ODAD2: variants seen among roughly 807,000 people sequenced by gnomAD.
The protein encoded by ODAD2 is outer dynein arm-docking complex subunit 2.
A neutral mutation model predicts 106.8 loss-of-function variants in ODAD2; 89 were observed. The observed-to-expected ratio is 0.83, with a 90% CI of 0.70 to 0.99. The LOEUF is 0.99. Ranked by LOEUF, ODAD2 falls within the 50% of genes least tolerant of loss-of-function variation. The pLI is 0.00. For synonymous variants in ODAD2, 404 were observed against 436.2 expected (o/e 0.93, Z 0.92); for missense variants, 1,168 against 1,238.5 (o/e 0.94, Z 0.85).
At chr10:27,940,521 G>C in intron 13 of ODAD2, 42 bp downstream of exon 13, 1 of 1,604,510 alleles carries the variant, frequency 6.2e-7, no homozygotes, top group Non-Finnish European at 8.5e-7. Context: ...ACTAAAGAAA[G>C]TCAAGTTGAG....
chr10:27,911,388 A>G (rs888641989), intron 16 of ODAD2, among the ~76,000 whole-genome samples: 4 of 152,214 alleles, frequency 2.6e-5, no homozygotes, highest in African/African-American at 4.8e-5. Flanking sequence ...GGGGTTATAA[A>G]TAAAGTTTAG....
At chr10:27,824,983 T>G (rs1040868725) in intron 19 of ODAD2, among the ~76,000 whole-genome samples, 2 of 152,188 alleles carry the variant, frequency 1.3e-5, no homozygotes, top group Non-Finnish European at 2.9e-5. Flanking sequence ...CACTTGGATA[T>G]AAAAATGACA....
intron 19 of ODAD2, among the ~76,000 whole-genome samples, chr10:27,825,345 C>T (rs1475228537): frequency 6.6e-6 from 1 of 152,188 alleles, no homozygotes; most frequent in Non-Finnish European, 1.5e-5. Flanking sequence ...CAAAAATGCT[C>T]AGATTCAGAA....
At chr10:27,863,173 T>G (rs1023897722) in intron 17 of ODAD2, among the ~76,000 whole-genome samples, 2 of 152,164 alleles carry the variant, frequency 1.3e-5, no homozygotes, top group Non-Finnish European at 2.9e-5. Flanking sequence ...GCATTATAGC[T>G]CATGCAATGG....
chr10:27,826,344 C>T (rs1339039126), intron 19 of ODAD2, among the ~76,000 whole-genome samples: 1 of 152,162 alleles, frequency 6.6e-6, no homozygotes, highest in Non-Finnish European at 1.5e-5. Flanking sequence ...CAATGGCACA[C>T]ACATTATGAT....
chr10:27,984,437 C>T (rs1483257160), intron 4 of ODAD2, 147 bp from the exon 5 acceptor site: 1 of 602,116 alleles, frequency 1.7e-6, no homozygotes, highest in Non-Finnish European at 2.9e-6. Context: ...TATAACAGCA[C>T]TGTCAACACA....
chr10:27,844,583 T>TG (rs1838574872), intron 19 of ODAD2, among the ~76,000 whole-genome samples: 1 of 152,210 alleles, frequency 6.6e-6, no homozygotes, highest in East Asian at 1.9e-4. Context: ...CTGGGTGATT[T>TG]GGGGCAAGTT....
intron 6 of ODAD2, among the ~76,000 whole-genome samples, chr10:27,982,680 C>G (rs1170953027): frequency 5.9e-5 from 9 of 152,162 alleles, no homozygotes; most frequent in Admixed American, 5.9e-4. Flanking sequence ...TAACAACCCT[C>G]CAGGCAGTCC....
Position 27,995,637 on chromosome 10 carries a change from C to T in ODAD2, c.-38-457G>A, listed in dbSNP as rs180826656. 8 of 154,030 alleles carry T rather than the reference C, an allele frequency of 5.2e-5. No individual in the cohort carries two copies. The East Asian group carries it at 5.8e-4, about 11-fold the overall frequency. The allele number at this position is 154,030 out of a possible 1,614,324, so 9.5% of individuals were successfully genotyped here. On this transcript the variant is annotated intron_variant, in intron 1 of 19. Transcript: ENST00000305242. ...ACTATTAAACTGAATACTGTTATCCCGACTTTCTTACAGTGACAATATCTG... is the reference window on the plus strand; with the variant it reads ...ACTATTAAACTGAATACTGTTATCCTGACTTTCTTACAGTGACAATATCTG...
chr10:27,865,847 TTCTC>T (rs772648868), intron 17 of ODAD2, among the ~76,000 whole-genome samples: 1 of 152,236 alleles, frequency 6.6e-6, no homozygotes, highest in Non-Finnish European at 1.5e-5. Context: ...CGAAGCCACT[TTCTC>T]TCTGTAACAC....
At chr10:27,967,397 A>T (rs1208190678) in intron 9 of ODAD2, among the ~76,000 whole-genome samples, 1 of 152,222 alleles carries the variant, frequency 6.6e-6, no homozygotes, top group Non-Finnish European at 1.5e-5. Context: ...CCCCCGTCAC[A>T]CTGTCCGGCT....
rs1353482489 is a variant in ODAD2 at position 27,922,023 on chromosome 10, C to T, written c.2495+12987G>A. Among the ~76,000 whole-genome samples the T allele has an allele frequency of 6.0e-5, 9 of 150,644 alleles. No homozygotes were observed. The East Asian group carries it at 1.4e-3, about 23-fold the overall frequency. ...CTCTACAAAAACTACAAAAATTAGCCGGGCATGGTGGGATGTGCCTGTAGT... is the reference window on the plus strand; with the variant it reads ...CTCTACAAAAACTACAAAAATTAGCTGGGCATGGTGGGATGTGCCTGTAGT... On this transcript the variant is annotated intron_variant, in intron 16 of 19. Coordinates refer to ENST00000305242, the MANE Select transcript of ODAD2 (RefSeq NM_018076.5).
rs567109951 is a variant in ODAD2 at position 27,847,009 on chromosome 10, G to A, written c.3021+13616C>T. The stretch of plus-strand genomic sequence containing the variant: ...TACCAGAAGTACAAGGAGGAGCGGG[G>A]ACCATTCCTTCTGAAACTATTCCAA... On this transcript the variant is annotated intron_variant, in intron 19 of 19. Transcript: ENST00000305242. Among the ~76,000 whole-genome samples, 4 of 152,166 alleles carry A rather than the reference G, an allele frequency of 2.6e-5. No homozygotes were observed. In the South Asian group the frequency reaches 8.3e-4, roughly 32 times the overall value.
intron 2 of ODAD2, among the ~76,000 whole-genome samples, chr10:27,993,705 ACC>A (rs1196252203): frequency 1.3e-5 from 2 of 152,170 alleles, no homozygotes; most frequent in Non-Finnish European, 2.9e-5. Context: ...GAGAAGGCTG[ACC>A]AATAGAAGAA....
At chr10:27,982,569 G>T (rs1849622808) in intron 6 of ODAD2, among the ~76,000 whole-genome samples, 1 of 152,060 alleles carries the variant, frequency 6.6e-6, no homozygotes, top group Non-Finnish European at 1.5e-5. Context: ...TGAGCTCAGT[G>T]TCATGCTAAT....
intron 19 of ODAD2, among the ~76,000 whole-genome samples, chr10:27,849,412 G>C (rs1430176636): frequency 6.6e-6 from 1 of 151,674 alleles, no homozygotes; most frequent in Admixed American, 6.6e-5. Context: ...TGGGGTGGGA[G>C]GAGGGGGAGG....
intron 17 of ODAD2, among the ~76,000 whole-genome samples, chr10:27,888,611 GT>G (rs1422666130): frequency 6.6e-5 from 10 of 152,062 alleles, no homozygotes; most frequent in Admixed American, 5.9e-4. Context: ...CATTCTGTAG[GT>G]TTGTCTATTT....
chr10:27,916,949 T>G (rs1844421451), intron 16 of ODAD2, among the ~76,000 whole-genome samples: 1 of 151,830 alleles, frequency 6.6e-6, no homozygotes, highest in South Asian at 2.1e-4. Context: ...GATTGAAAAT[T>G]TTCACACCCC....
rs961365313 is a variant in ODAD2 at position 27,896,086 on chromosome 10, C to A, written c.2610+11577G>T. 1.3e-5 allele frequency among the ~76,000 whole-genome samples: 2 copies of A among 152,226 alleles called. 1 individual carries two copies. Among genetic ancestry groups the A allele is most frequent in the East Asian group, 3.9e-4 (2 of 5,194 alleles). ...AACATTTTGCTCACATATCCCAATG[C>A]ACTTTTGAAAAGCTGTGTATCTTCT... On this transcript the variant is annotated intron_variant, in intron 17 of 19. Transcript: ENST00000305242.
Sources: allele counts gnomAD v4.1 joint callset (sites outside exome capture counted in the v4.1 genomes callset), GRCh38; gene constraint gnomAD v4.1.1; transcripts MANE v1.5; gene names NCBI Gene and HGNC (gene_info 2026-07-23, HGNC 2026-07-21).